The following BPNT2 variants were observed in gnomAD, a reference collection of about 807,000 sequenced individuals.
The protein encoded by BPNT2 is 3'(2'), 5'-bisphosphate nucleotidase 2.
In BPNT2, 11 loss-of-function variants were observed where a neutral mutation model predicts 29.3. That is an observed-to-expected ratio of 0.38 (90% CI 0.24 to 0.62). BPNT2 has a LOEUF of 0.62. BPNT2 is among the 20% of genes least tolerant of loss of function. The probability of loss-of-function intolerance (pLI) is 0.62; values close to 1 mark genes in which losing one functional copy is unlikely to be tolerated. For synonymous variants in BPNT2, 195 were observed against 187.7 expected, an observed-to-expected ratio of 1.04 and a Z score of -0.32; for missense variants, 459 against 473.4, an observed-to-expected ratio of 0.97 and a Z score of 0.28.
rs1411806425 is a variant in BPNT2, at chr8:56,958,886, TAAGA to T, written c.*4903_*4906del. 6.6e-6 allele frequency: 1 copy of T among 152,154 alleles called. No homozygotes were observed. The highest frequency in any genetic ancestry group is 1.5e-5 in the Non-Finnish European group (1 of 68,020). The allele number at this position is 152,154 out of a possible 1,614,324, so 9.4% of individuals were successfully genotyped here. ...TAAACGTGCCCTCCTAACACGAGAA[TAAGA>T]AAGGTGGCTGAAGTAGATAATTTCA... On this transcript the variant is annotated 3_prime_UTR_variant, in exon 5 of 5. Transcript: ENST00000262644.
intron 3 of BPNT2, among the ~76,000 whole-genome samples, chr8:56,971,452 T>C (rs1490685417): frequency 1.3e-5 from 2 of 152,110 alleles, no homozygotes; most frequent in African/African-American, 4.8e-5. Context: ...CAGATATTTT[T>C]CAATAAATAT....
intron 1 of BPNT2, among the ~76,000 whole-genome samples, chr8:56,983,500 AG>A (rs1233462812): frequency 6.6e-6 from 1 of 152,160 alleles, no homozygotes; most frequent in East Asian, 1.9e-4. Context: ...AATGGAAGCC[AG>A]ATGGTGAAGG....
chr8:56,972,102 A>T (rs1161536453), intron 3 of BPNT2, among the ~76,000 whole-genome samples: 3 of 152,086 alleles, frequency 2.0e-5, no homozygotes, highest in East Asian at 3.9e-4. Context: ...AAGAAAAAAA[A>T]AAAGAAACCC....
In BPNT2 at chr8:56,990,650, C is replaced by A. The variant is rs78766818; in HGVS notation, c.387+2549G>T. ...GCAGATAATTCTTCGTCATAGGGGG[C>A]TGTCCTGTGCATTATAGGATGTTTA... On this transcript the variant is annotated intron_variant, in intron 1 of 4. Transcript: ENST00000262644. Among the ~76,000 whole-genome samples, 177 of 152,280 alleles carry A rather than the reference C, an allele frequency of 1.2e-3. 3 individuals are homozygous for A. In the East Asian group the frequency reaches 0.032, roughly 28 times the overall value.
chr8:56,981,570 A>T (rs1363802783), intron 1 of BPNT2, among the ~76,000 whole-genome samples: 2 of 152,212 alleles, frequency 1.3e-5, no homozygotes, highest in East Asian at 3.8e-4. Flanking sequence ...TCTCAAAAAA[A>T]ACAAAAAATA....
intron 4 of BPNT2, chr8:56,964,285 ATTGT>A (rs950901151): frequency 1.1e-5 from 5 of 444,972 alleles, no homozygotes; most frequent in African/African-American, 8.1e-5. Context: ...AAAGTAACTT[ATTGT>A]TTATTTTTAT....
intron 3 of BPNT2, among the ~76,000 whole-genome samples, chr8:56,973,066 A>G (rs769841750): frequency 2.0e-4 from 30 of 152,202 alleles, no homozygotes; most frequent in Non-Finnish European, 3.4e-4. Context: ...TAGTCTTCTG[A>G]CTACAACAAG....
At chr8:56,981,757 G>GA (rs1259657009) in intron 1 of BPNT2, among the ~76,000 whole-genome samples, 1 of 151,948 alleles carries the variant, frequency 6.6e-6, no homozygotes, top group Non-Finnish European at 1.5e-5. Flanking sequence ...ACACACACAA[G>GA]AAAAAATGTC....
At position 56,993,656 on chromosome 8, in the gene BPNT2, A is replaced by C. The variant is rs1245910875; in HGVS notation, c.-71T>G. ...CAGCGCCCGCCGCCGCCGCCGCCGCAGCCGCCGCGCTCCGGGCCAGGCGCC... is the reference window on the plus strand; with the variant it reads ...CAGCGCCCGCCGCCGCCGCCGCCGCCGCCGCCGCGCTCCGGGCCAGGCGCC... On this transcript the variant is annotated 5_prime_UTR_variant, in exon 1 of 5. Coordinates refer to ENST00000262644, the MANE Select transcript of BPNT2 (RefSeq NM_017813.5). The C allele has an allele frequency of 2.2e-5, 25 of 1,161,718 alleles. No homozygotes were observed. The highest frequency in any genetic ancestry group is 1.3e-4 in the African/African-American group (8 of 60,706). The allele number at this position is 1,161,718 out of a possible 1,614,324, so 72.0% of individuals were successfully genotyped here.
At chr8:56,966,452 C>T in intron 3 of BPNT2, 100 bp from the exon 4 acceptor site, 1 of 999,448 alleles carries the variant, frequency 1.0e-6, no homozygotes, top group Non-Finnish European at 1.6e-6. Context: ...GACAAAATAG[C>T]TCTCTTCTAA....
At chr8:56,972,771 T>A (rs1806060001) in intron 3 of BPNT2, among the ~76,000 whole-genome samples, 2 of 151,034 alleles carry the variant, frequency 1.3e-5, no homozygotes, top group Admixed American at 1.3e-4. Flanking sequence ...AGCAGACAAG[T>A]CCCCAGATGC....
chr8:56,980,819 T>TATATACAC (rs755705861), intron 1 of BPNT2, among the ~76,000 whole-genome samples: 217 of 141,504 alleles, frequency 1.5e-3, no homozygotes, highest in African/African-American at 5.6e-3. Context: ...TACATACATA[T>TATATACAC]ACACACACAC....
chr8:56,966,538 A>G (rs1007597969), intron 3 of BPNT2, among the ~76,000 whole-genome samples, 186 bp from the exon 4 acceptor site: 1 of 152,222 alleles, frequency 6.6e-6, no homozygotes, highest in Non-Finnish European at 1.5e-5. Context: ...TGTATTTGTA[A>G]AATAGACATG....
intron 3 of BPNT2, among the ~76,000 whole-genome samples, chr8:56,975,120 T>A (rs1026062980): frequency 6.6e-6 from 1 of 152,152 alleles, no homozygotes; most frequent in Non-Finnish European, 1.5e-5. Context: ...GGGTAGACCT[T>A]TTGTCTCTCT....
At chr8:56,990,639 G>A (rs139185120) in intron 1 of BPNT2, among the ~76,000 whole-genome samples, 2 of 152,044 alleles carry the variant, frequency 1.3e-5, no homozygotes, top group African/African-American at 4.8e-5. Context: ...ATAATTCTTC[G>A]TCATAGGGGG....
At chr8:56,971,588 C>A (rs151025032) in intron 3 of BPNT2, among the ~76,000 whole-genome samples, 168 of 152,120 alleles carry the variant, frequency 1.1e-3, no homozygotes, top group African/African-American at 3.8e-3. Flanking sequence ...TATGTTGGAA[C>A]TAGCTTATTT....
At chr8:56,968,385 A>G (rs1805982414) in intron 3 of BPNT2, among the ~76,000 whole-genome samples, 1 of 150,520 alleles carries the variant, frequency 6.6e-6, no homozygotes, top group Non-Finnish European at 1.5e-5. Flanking sequence ...AGAAAGTGAT[A>G]GATTAAAAAA....
At chr8:56,977,257 G>A (rs1806156565) in intron 3 of BPNT2, among the ~76,000 whole-genome samples, 1 of 151,916 alleles carries the variant, frequency 6.6e-6, no homozygotes, top group Admixed American at 6.6e-5. Context: ...AATTCTAAAG[G>A]CCAGAAGTCT....
chr8:56,971,250 T>C (rs1203843491), intron 3 of BPNT2, among the ~76,000 whole-genome samples: 1 of 150,256 alleles, frequency 6.7e-6, no homozygotes, highest in Non-Finnish European at 1.5e-5. Context: ...ATGTGTTTAT[T>C]TTACCTGTAA....
Sources: allele counts gnomAD v4.1 joint callset (sites outside exome capture counted in the v4.1 genomes callset), GRCh38; gene constraint gnomAD v4.1.1; transcripts MANE v1.5; gene names NCBI Gene and HGNC (gene_info 2026-07-23, HGNC 2026-07-21).